Variants in SFXN5 observed in about 807,000 individuals in gnomAD.
The protein encoded by SFXN5 is sideroflexin 5, also known as sideroflexin-5.
A neutral mutation model predicts 50.2 loss-of-function variants in SFXN5; 43 were observed. The ratio of observed to expected loss-of-function variants is 0.86; its 90% CI spans 0.67 to 1.11. The LOEUF (loss-of-function observed/expected upper bound fraction) is 1.11, where lower values mean the gene tolerates loss of function less well. SFXN5 is among the 50% of genes least tolerant of loss of function. The pLI, the probability that SFXN5 is intolerant of heterozygous loss-of-function variation, is 0.00. For missense variants in SFXN5, 463 were observed against 454.1 expected, an observed-to-expected ratio of 1.02 and a Z score of -0.18; for synonymous variants, 203 against 185.8, an observed-to-expected ratio of 1.09 and a Z score of -0.75.
At chr2:73,029,178 T>C (rs557327258) in intron 3 of SFXN5, among the ~76,000 whole-genome samples, 14 of 152,116 alleles carry the variant, frequency 9.2e-5, no homozygotes, top group African/African-American at 3.1e-4. Context: ...CCTAAAGACA[T>C]GAGTGAAAGG....
intron 10 of SFXN5, among the ~76,000 whole-genome samples, chr2:72,983,615 C>T (rs1671569733): frequency 6.6e-6 from 1 of 152,190 alleles, no homozygotes; most frequent in Non-Finnish European, 1.5e-5. Flanking sequence ...TTCAGGGCTT[C>T]CTGCCCTCCC....
chr2:73,069,577 G>C (rs1683424893), intron 1 of SFXN5, among the ~76,000 whole-genome samples: 1 of 152,162 alleles, frequency 6.6e-6, no homozygotes, highest in African/African-American at 2.4e-5. Context: ...CTATGCTGGA[G>C]GAGGGGAGCT....
At chr2:73,045,491 A>C (rs376535165) in intron 2 of SFXN5, among the ~76,000 whole-genome samples, 2 of 152,054 alleles carry the variant, frequency 1.3e-5, no homozygotes, top group African/African-American at 4.8e-5. Context: ...CAGGCAAAGT[A>C]GAGAGTTTGG....
At chr2:72,965,234 C>A (rs1332378039) in intron 12 of SFXN5, among the ~76,000 whole-genome samples, 1 of 152,164 alleles carries the variant, frequency 6.6e-6, no homozygotes, top group African/African-American at 2.4e-5. Flanking sequence ...GCAGGCCACC[C>A]ACGGGCAGAA....
chr2:72,985,669 C>T (rs1671830329), intron 10 of SFXN5, among the ~76,000 whole-genome samples: 1 of 152,120 alleles, frequency 6.6e-6, no homozygotes, highest in Non-Finnish European at 1.5e-5. Context: ...CCTGCCTCTC[C>T]CTGGATCCCG....
intron 9 of SFXN5, among the ~76,000 whole-genome samples, chr2:72,990,055 G>T (rs537480111): frequency 2.6e-5 from 4 of 152,260 alleles, no homozygotes; most frequent in Non-Finnish European, 5.9e-5. Context: ...GCCTGCCGCT[G>T]TTGGGGCAGG....
Position 73,035,650 on chromosome 2 carries a change from C to T in SFXN5, c.249+5204G>A, listed in dbSNP as rs1559182705. Among the ~76,000 whole-genome samples, 7 of 152,078 alleles carry T rather than the reference C, an allele frequency of 4.6e-5. No individual in the cohort carries two copies. The South Asian group carries it at 1.5e-3, about 32-fold the overall frequency. On this transcript the variant is annotated intron_variant, in intron 3 of 13. Coordinates refer to ENST00000272433, the MANE Select transcript of SFXN5 (RefSeq NM_144579.3). ...GAGTAGCTGGGACTACAGGTGCATG[C>T]CACCATGCCTGGCTAATTTTTGTAT...
chr2:73,069,131 G>A (rs1270706713), intron 1 of SFXN5, among the ~76,000 whole-genome samples: 1 of 152,146 alleles, frequency 6.6e-6, no homozygotes, highest in Admixed American at 6.5e-5. Context: ...CTCAGAAGCA[G>A]GGGAAGCCAT....
intron 13 of SFXN5, among the ~76,000 whole-genome samples, chr2:72,946,420 C>CCA (rs1671935020): frequency 6.6e-6 from 1 of 152,216 alleles, no homozygotes; most frequent in Non-Finnish European, 1.5e-5. Context: ...CTGCCACCCC[C>CCA]CACTTCACGA....
intron 1 of SFXN5, among the ~76,000 whole-genome samples, chr2:73,069,227 G>C (rs1284352356): frequency 3.3e-5 from 5 of 152,184 alleles, no homozygotes; most frequent in Admixed American, 3.3e-4. Flanking sequence ...AAAGAGGAAG[G>C]ACTGGAAGAG....
At chr2:73,032,152 T>C (rs1408422396) in intron 3 of SFXN5, among the ~76,000 whole-genome samples, 1 of 149,368 alleles carries the variant, frequency 6.7e-6, no homozygotes, top group Non-Finnish European at 1.5e-5. Context: ...AAACAGGTGA[T>C]GGGGGAGGAT....
intron 2 of SFXN5, chr2:73,041,564 C>A (rs1450148428): frequency 5.5e-6 from 2 of 364,084 alleles, no homozygotes; most frequent in Non-Finnish European, 1.1e-5. Flanking sequence ...GTGGTGCATG[C>A]CTGTAATCCC....
At chr2:72,990,037 T>C (rs1425278566) in intron 9 of SFXN5, among the ~76,000 whole-genome samples, 1 of 152,224 alleles carries the variant, frequency 6.6e-6, no homozygotes, top group African/African-American at 2.4e-5. Context: ...CCTCCAGGGC[T>C]GCCAGGCGCC....
At chr2:73,038,695 A>T (rs1370218088) in intron 3 of SFXN5, among the ~76,000 whole-genome samples, 1 of 152,196 alleles carries the variant, frequency 6.6e-6, no homozygotes, top group Non-Finnish European at 1.5e-5. Flanking sequence ...TAAAATTTTA[A>T]ATTTCAGATT....
rs549629794 is a variant in SFXN5, at chr2:72,985,929, G to A, written c.625+2329C>T. ...TCAAGGTGACACAGCAAGATGGCCA[G>A]TAGGGCTGGAATGGGCCCCCGGCAA... is the stretch of plus-strand genomic sequence containing the variant. On this transcript the variant is annotated intron_variant, in intron 10 of 13. Coordinates refer to ENST00000272433, the MANE Select transcript of SFXN5 (RefSeq NM_144579.3). Among the ~76,000 whole-genome samples, 59 of 152,330 alleles carry A rather than the reference G, an allele frequency of 3.9e-4. No individual in the cohort carries two copies. The Middle Eastern group carries it at 0.017, about 44-fold the overall frequency.
chr2:73,010,726 CAA>C (rs1299318049), intron 6 of SFXN5, among the ~76,000 whole-genome samples: 5 of 152,140 alleles, frequency 3.3e-5, no homozygotes, highest in Admixed American at 1.3e-4. Flanking sequence ...TAGAACATAA[CAA>C]AAGAACACAT....
chr2:72,960,446 C>A lies in SFXN5; in HGVS notation c.945+685G>T, dbSNP rs1230041240. On this transcript the variant is annotated intron_variant, in intron 13 of 13. Transcript: ENST00000272433. This position sits in a 1 kb window ranked among gnomAD's most constrained non-coding sequence, Gnocchi z 6.1. The stretch of plus-strand genomic sequence containing the variant: ...GACCCACTTCTCTCCATGCCCACTG[C>A]CAACAGCCTGGTCCAAGCCGCCATC... 6.6e-6 allele frequency among the ~76,000 whole-genome samples: 1 copy of A among 152,124 alleles called. No homozygotes were observed. Among genetic ancestry groups the A allele is most frequent in the African/African-American group, 2.4e-5 (1 of 41,420 alleles).
At chr2:72,949,591 G>A (rs907560206) in intron 13 of SFXN5, among the ~76,000 whole-genome samples, 11 of 152,002 alleles carry the variant, frequency 7.2e-5, no homozygotes, top group African/African-American at 2.4e-4. Context: ...TTACAGGCAT[G>A]AGCCACCGTG....
intron 10 of SFXN5, among the ~76,000 whole-genome samples, chr2:72,984,081 G>A (rs1177399596): frequency 6.6e-6 from 1 of 152,224 alleles, no homozygotes; most frequent in South Asian, 2.1e-4. Flanking sequence ...AAGAACTGGA[G>A]AATTAATTAA....
Sources: gnomAD v4.1 joint callset for allele counts (sites outside exome capture counted in the v4.1 genomes callset) on GRCh38, gnomAD v4.1.1 for gene constraint, Gnocchi (gnomAD v3.1) non-coding constraint, MANE v1.5 for transcripts, NCBI Gene and HGNC (gene_info 2026-07-23, HGNC 2026-07-21) for gene names.